Variants in MYO9A observed in about 807,000 individuals in gnomAD.
The protein encoded by MYO9A is myosin IXA, also known as unconventional myosin-IXa.
Under a neutral mutation model 293.3 loss-of-function variants are expected in MYO9A, and 103 were observed. The observed-to-expected ratio is 0.35, with a 90% CI of 0.30 to 0.41. The LOEUF (loss-of-function observed/expected upper bound fraction) is 0.41. Among genes scored for constraint, MYO9A ranks in the 10% least tolerant of loss-of-function variants. The pLI is 1.00. For synonymous variants in MYO9A, 1,001 were observed against 1,035.7 expected, an observed-to-expected ratio of 0.97 and a Z score of 0.64; for missense variants, 2,685 against 3,033.0, an observed-to-expected ratio of 0.89 and a Z score of 2.69.
intron 11 of MYO9A, 117 bp from the exon 12 acceptor site, chr15:71,978,409 C>T: frequency 1.3e-6 from 1 of 742,608 alleles, no homozygotes. Flanking sequence ...AATCACCAAT[C>T]CACACAATGA....
At chr15:71,936,541 TTTTAA>T (rs777192429) in intron 16 of MYO9A, among the ~76,000 whole-genome samples, 1 of 152,164 alleles carries the variant, frequency 6.6e-6, no homozygotes, top group African/African-American at 2.4e-5. Flanking sequence ...ATGGTAATTA[TTTTAA>T]TTTGATCATT....
chr15:71,945,786 A>T (rs1172400476), intron 15 of MYO9A, among the ~76,000 whole-genome samples: 1 of 152,144 alleles, frequency 6.6e-6, no homozygotes. Flanking sequence ...TAAGTGGCAA[A>T]AGATGTCTTT....
intron 14 of MYO9A, among the ~76,000 whole-genome samples, chr15:71,952,318 C>A (rs570907803): frequency 6.6e-6 from 1 of 152,272 alleles, no homozygotes; most frequent in Admixed American, 6.5e-5. Flanking sequence ...TTAAACAATT[C>A]TTTCACAAAT....
At position 72,060,106 on chromosome 15, in the gene MYO9A, A is replaced by AT. The variant is rs200533704; in HGVS notation, c.-71-13473dup. On this transcript the variant is annotated intron_variant, in intron 1 of 41. Transcript: ENST00000356056. ...TTATTTTGAACTGATTTTTTTGTACATTTTGGCTGCAGTATTGGTGGTAGA... is the reference window on the plus strand; with the variant it reads ...TTATTTTGAACTGATTTTTTTGTACATTTTTGGCTGCAGTATTGGTGGTAGA... Among the ~76,000 whole-genome samples the AT allele has an allele frequency of 1.7e-3, 257 of 152,252 alleles. 7 individuals carry two copies. The East Asian group carries it at 0.037, about 22-fold the overall frequency.
At chr15:72,036,188 T>A (rs2078041109) in intron 2 of MYO9A, among the ~76,000 whole-genome samples, 1 of 152,062 alleles carries the variant, frequency 6.6e-6, no homozygotes, top group South Asian at 2.1e-4. Flanking sequence ...AAAACATGGA[T>A]CTATATAAGG....
chr15:72,083,286 G>C (rs1329074732), intron 1 of MYO9A, among the ~76,000 whole-genome samples: 1 of 152,050 alleles, frequency 6.6e-6, no homozygotes, highest in African/African-American at 2.4e-5. Context: ...ATTTCTTCTA[G>C]ATTTTCTAGT....
At chr15:71,990,736 G>A (rs560086580) in intron 11 of MYO9A, among the ~76,000 whole-genome samples, 10 of 137,192 alleles carry the variant, frequency 7.3e-5, no homozygotes, top group Middle Eastern at 4.7e-3. Context: ...CAGCCTGGGC[G>A]ACAGAGCGAG....
chr15:71,850,765 C>CAA (rs780727961), intron 37 of MYO9A, among the ~76,000 whole-genome samples: 578 of 44,068 alleles, frequency 0.013, 129 homozygotes, highest in Non-Finnish European at 0.018. Flanking sequence ...AACTGTGTCT[C>CAA]AAAAAAAAAA....
intron 30 of MYO9A, among the ~76,000 whole-genome samples, chr15:71,878,875 G>C (rs2056783404): frequency 6.6e-6 from 1 of 150,492 alleles, no homozygotes; most frequent in Non-Finnish European, 1.5e-5. Context: ...TCCTGCCTCA[G>C]CCTCCCCAGT....
chr15:72,062,158 G>A (rs1478514720), intron 1 of MYO9A, among the ~76,000 whole-genome samples: 1 of 152,182 alleles, frequency 6.6e-6, no homozygotes, highest in Non-Finnish European at 1.5e-5. Flanking sequence ...CCCTAATGAA[G>A]AGACAGCTAC....
At chr15:71,919,841 CAAAAAAA>C (rs373980359) in intron 18 of MYO9A, among the ~76,000 whole-genome samples, 1,825 of 82,504 alleles carry the variant, frequency 0.022, 18 homozygotes, top group East Asian at 0.055. Context: ...GACTCCATCT[CAAAAAAA>C]AAAAAAAAAA....
At chr15:71,988,342 A>G (rs1351239063) in intron 11 of MYO9A, among the ~76,000 whole-genome samples, 2 of 152,222 alleles carry the variant, frequency 1.3e-5, no homozygotes, top group Non-Finnish European at 2.9e-5. Flanking sequence ...TTATAGAGCC[A>G]GAGTGTTAAG....
chr15:71,847,178 C>A (rs2055423878), intron 39 of MYO9A, among the ~76,000 whole-genome samples: 1 of 151,998 alleles, frequency 6.6e-6, no homozygotes, highest in African/African-American at 2.4e-5. Context: ...AGAGGAAAAA[C>A]CAGTGTATTT....
chr15:72,076,759 A>G (rs2079365873), intron 1 of MYO9A, among the ~76,000 whole-genome samples: 1 of 152,212 alleles, frequency 6.6e-6, no homozygotes, highest in Admixed American at 6.5e-5. Flanking sequence ...GTTTATATGG[A>G]AAAGTAAAAG....
chr15:71,898,854 G>A lies in MYO9A; in HGVS notation c.3649C>T (p.Arg1217Ter). 6.2e-7 allele frequency: 1 copy of A among 1,613,990 alleles called. No homozygotes were observed. Among genetic ancestry groups the A allele is most frequent in the Non-Finnish European group, 8.5e-7 (1 of 1,179,962 alleles). Residue 1217 changes from arginine (R) to a stop codon, truncating the protein, a stop_gained, in exon 25 of 42, where the codon CGA becomes TGA. Coordinates refer to ENST00000356056, the MANE Select transcript of MYO9A (RefSeq NM_006901.4). LOFTEE classifies it high-confidence loss of function. ...EECKSVIESN[R>*]ISRESSVDCL... ...TCCACTGAACTTTCACGGCTAATTC[G>A]ATTACTCTCTATTACAGATTTACAT...
At chr15:71,876,321 A>AT (rs1479531280) in intron 31 of MYO9A, among the ~76,000 whole-genome samples, 4 of 143,260 alleles carry the variant, frequency 2.8e-5, no homozygotes, top group African/African-American at 1.1e-4. Flanking sequence ...CTATTTTTGT[A>AT]TTTTTTGAGA....
At position 71,897,608 on chromosome 15, in the gene MYO9A, A is replaced by G. The variant is rs1467422638; in HGVS notation, c.4895T>C (p.Val1632Ala). The G allele has an allele frequency of 3.1e-6, 5 of 1,614,072 alleles. No individual in the cohort carries two copies. Among genetic ancestry groups the G allele is most frequent in the East Asian group, 2.2e-5 (1 of 44,900 alleles). Residue 1632 changes from valine to alanine, a missense_variant, in exon 25 of 42, where the codon GTA (valine) becomes GCA (alanine). Physicochemically the swap from Val to Ala is moderately conservative, Grantham distance 64. Transcript: ENST00000356056. ...GCGATTATTTGAGAGTTTACAGGCT[A>G]CATTCAGCTGGGTGCCCATTCTGTC... ...KTDRMGTQLN[V>A]ACKLSNNRIS...
chr15:71,860,122 A>G (rs1031690924), intron 33 of MYO9A, among the ~76,000 whole-genome samples: 1 of 152,158 alleles, frequency 6.6e-6, no homozygotes, highest in Admixed American at 6.5e-5. Flanking sequence ...TTGTGGTTTG[A>G]TTCACAAATT....
At chr15:72,106,010 G>GA (rs572486396) in intron 1 of MYO9A, among the ~76,000 whole-genome samples, 19 of 151,408 alleles carry the variant, frequency 1.3e-4, no homozygotes, top group South Asian at 6.2e-4. Flanking sequence ...ACAGTAAGTG[G>GA]AAAAAAAAGA....
Sources: gnomAD v4.1 joint callset for allele counts (sites outside exome capture counted in the v4.1 genomes callset) on GRCh38, gnomAD v4.1.1 for gene constraint, MANE v1.5 for transcripts, NCBI Gene and HGNC (gene_info 2026-07-23, HGNC 2026-07-21) for gene names.